The following PPP2R2C variants were observed in gnomAD, a reference collection of about 807,000 sequenced individuals.
PPP2R2C encodes protein phosphatase 2, regulatory subunit B, gamma.
A neutral mutation model predicts 45.3 loss-of-function variants in PPP2R2C; 10 were observed. The observed-to-expected ratio is 0.22, with a 90% confidence interval of 0.14 to 0.37. PPP2R2C has a LOEUF of 0.37. Among genes scored for constraint, PPP2R2C ranks in the 10% least tolerant of loss-of-function variants. The pLI, the probability that PPP2R2C is intolerant of heterozygous loss-of-function variation, is 1.00. For synonymous variants in PPP2R2C, 257 were observed against 245.4 expected, an observed-to-expected ratio of 1.05 and a Z score of -0.44; for missense variants, 308 against 619.7, an observed-to-expected ratio of 0.50 and a Z score of 5.34.
chr4:6,537,167 C>T (rs1465660287), intron 1 of PPP2R2C, among the ~76,000 whole-genome samples: 1 of 151,958 alleles, frequency 6.6e-6, no homozygotes, highest in African/African-American at 2.4e-5. Context: ...CGCTGCAGTG[C>T]ACTCCAGTCT....
At chr4:6,381,295 G>T (rs961234289) in intron 1 of PPP2R2C, 5 of 1,527,312 alleles carry the variant, frequency 3.3e-6, no homozygotes, top group Non-Finnish European at 2.6e-6. Context: ...TCTTCCCTCT[G>T]CACTGGCTGC....
At chr4:6,421,214 A>C (rs1577169515) in intron 1 of PPP2R2C, 4 of 809,364 alleles carry the variant, frequency 4.9e-6, no homozygotes, top group Middle Eastern at 6.3e-4. Context: ...TGGACCCAGG[A>C]GCCAATGCCA....
rs570488412 is a variant in PPP2R2C at position 6,323,704 on chromosome 4, G to A, written c.1053-111C>T. Reference sequence around the variant, plus strand: ...TAATCCCAGGACTTTGGGAGGCCCCGGTGGGAGGATTGCTTCAGCCTAGGA... The same window carrying A: ...TAATCCCAGGACTTTGGGAGGCCCCAGTGGGAGGATTGCTTCAGCCTAGGA... On this transcript the variant is annotated intron_variant, in intron 8 of 8. Coordinates refer to ENST00000382599, the MANE Select transcript of PPP2R2C (RefSeq NM_020416.4). 6.0e-5 allele frequency: 69 copies of A among 1,153,286 alleles called. 1 individual carries two copies. The highest frequency in any genetic ancestry group is 5.1e-4 in the African/African-American group (33 of 64,116). The allele number at this position is 1,153,286 out of a possible 1,614,324, so 71.4% of individuals were successfully genotyped here.
chr4:6,333,779 T>A (rs746618415), intron 6 of PPP2R2C, 48 bp from the exon 7 acceptor site: 1 of 1,606,996 alleles, frequency 6.2e-7, no homozygotes, highest in East Asian at 2.2e-5. Context: ...CTCCCGCCCA[T>A]GGGGTTGGCA....
At chr4:6,486,525 A>G (rs901505632) in intron 2 of PPP2R2C, among the ~76,000 whole-genome samples, 1 of 152,042 alleles carries the variant, frequency 6.6e-6, no homozygotes, top group African/African-American at 2.4e-5. Context: ...TTGCAGTTCT[A>G]TCATTTTTGC....
intron 6 of PPP2R2C, among the ~76,000 whole-genome samples, chr4:6,335,960 G>A (rs961953032): frequency 6.6e-6 from 1 of 152,086 alleles, no homozygotes; most frequent in Non-Finnish European, 1.5e-5. Flanking sequence ...AGCCTCTGGT[G>A]AGCAGTGGCA....
intron 2 of PPP2R2C, among the ~76,000 whole-genome samples, chr4:6,477,658 G>A (rs529994874): frequency 2.2e-4 from 33 of 150,224 alleles, no homozygotes; most frequent in African/African-American, 2.9e-4. Context: ...CCCGGGAGGC[G>A]GAGCTTGCAG....
At chr4:6,473,035 A>G (rs1336704971), upstream of PPP2R2C, among the ~76,000 whole-genome samples, 1 of 152,092 alleles carries the variant, frequency 6.6e-6, no homozygotes. Flanking sequence ...GTCTCCCTTC[A>G]TTAGTAGAAG....
intron 1 of PPP2R2C, among the ~76,000 whole-genome samples, chr4:6,456,167 G>C (rs1467603525): frequency 6.6e-6 from 1 of 152,214 alleles, no homozygotes. Context: ...TCAGAGTGCA[G>C]GATGATCTGG....
chr4:6,449,388 C>G (rs1720615940), intron 1 of PPP2R2C, among the ~76,000 whole-genome samples: 1 of 152,238 alleles, frequency 6.6e-6, no homozygotes, highest in Non-Finnish European at 1.5e-5. Flanking sequence ...CACAGTGCAC[C>G]TCCACATGCT....
At chr4:6,461,948 C>T (rs905773809) in intron 1 of PPP2R2C, among the ~76,000 whole-genome samples, 4 of 152,232 alleles carry the variant, frequency 2.6e-5, no homozygotes, top group African/African-American at 7.2e-5. Context: ...TGGCATGCAC[C>T]ATCTCATTCA....
intron 1 of PPP2R2C, among the ~76,000 whole-genome samples, chr4:6,453,535 C>T (rs1720855952): frequency 2.1e-5 from 3 of 143,318 alleles, no homozygotes; most frequent in Admixed American, 6.9e-5. Context: ...AATGGCAGGG[C>T]GGCTTCCTGT....
intron 5 of PPP2R2C, chr4:6,350,568 TG>T (rs1712454599): frequency 1.0e-6 from 1 of 985,134 alleles, no homozygotes; most frequent in Admixed American, 6.2e-5. Flanking sequence ...TTGTATTTCC[TG>T]GGGTTATAAC....
chr4:6,527,884 G>C (rs981641867), intron 2 of PPP2R2C, among the ~76,000 whole-genome samples: 3 of 152,276 alleles, frequency 2.0e-5, no homozygotes, highest in South Asian at 2.1e-4. Flanking sequence ...AGCAGGAGGA[G>C]AGCGGGCAGC....
intron 1 of PPP2R2C, chr4:6,383,725 A>G (rs4382106): frequency 0.95 from 718,958 of 755,230 alleles, 342,343 homozygotes; most frequent in East Asian, 1. Context: ...TATCATCTGT[A>G]GGCTCTCTTC....
chr4:6,337,495 C>G (rs1199396451), intron 6 of PPP2R2C, among the ~76,000 whole-genome samples: 2 of 151,994 alleles, frequency 1.3e-5, no homozygotes, highest in African/African-American at 2.4e-5. Flanking sequence ...GAGGTGAGTC[C>G]AAAACTGAGC....
intron 2 of PPP2R2C, among the ~76,000 whole-genome samples, chr4:6,531,659 C>G (rs532378975): frequency 1.7e-4 from 26 of 151,830 alleles, no homozygotes; most frequent in Admixed American, 7.9e-4. Context: ...AGAGCAGGTG[C>G]TCTGTGAACC....
intron 2 of PPP2R2C, among the ~76,000 whole-genome samples, chr4:6,506,169 G>A (rs1312684361): frequency 2.0e-5 from 3 of 152,142 alleles, no homozygotes; most frequent in Non-Finnish European, 4.4e-5. Flanking sequence ...CTCTTCAGGT[G>A]TGGTGCTGGG....
intron 1 of PPP2R2C, among the ~76,000 whole-genome samples, chr4:6,544,528 G>A (rs771563441): frequency 2.6e-5 from 4 of 151,978 alleles, no homozygotes; most frequent in Non-Finnish European, 4.4e-5. Flanking sequence ...TAAGAGACGG[G>A]ATCTCACTAT....
Sources: gnomAD v4.1 joint callset for allele counts (sites outside exome capture counted in the v4.1 genomes callset) on GRCh38, gnomAD v4.1.1 for gene constraint, MANE v1.5 for transcripts, NCBI Gene and HGNC (gene_info 2026-07-23, HGNC 2026-07-21) for gene names.